ABHD18: variants seen among roughly 807,000 people sequenced by gnomAD.
ABHD18 encodes the protein cardiolipin-specific deacylase, mitochondrial.
In ABHD18, 55 loss-of-function variants were observed where a neutral mutation model predicts 65.9. The observed-to-expected ratio is 0.84, with a 90% CI of 0.67 to 1.05. The LOEUF (loss-of-function observed/expected upper bound fraction) is 1.05, where lower values mean the gene tolerates loss of function less well. ABHD18 is among the 50% of genes least tolerant of loss of function. The pLI is 0.00. For synonymous variants in ABHD18, 181 were observed against 180.2 expected, an observed-to-expected ratio of 1.00 and a Z score of -0.04; for missense variants, 533 against 558.5, an observed-to-expected ratio of 0.95 and a Z score of 0.46.
At chr4:127,985,190 C>T (rs1392364128) in intron 3 of ABHD18, among the ~76,000 whole-genome samples, 1 of 151,062 alleles carries the variant, frequency 6.6e-6, no homozygotes, top group Non-Finnish European at 1.5e-5. Context: ...AAAGAAAATG[C>T]TATAAAATTA....
intron 1 of ABHD18, among the ~76,000 whole-genome samples, chr4:127,975,045 G>GT (rs1371578846): frequency 1.4e-5 from 2 of 144,642 alleles, no homozygotes; most frequent in South Asian, 4.5e-4. Context: ...TACTGACAAA[G>GT]TTGTCAAAAG....
chr4:128,015,001 C>G (rs1007165486), intron 7 of ABHD18, among the ~76,000 whole-genome samples: 15 of 151,648 alleles, frequency 9.9e-5, no homozygotes, highest in African/African-American at 3.2e-4. Context: ...CGCTTGAACC[C>G]AGGAGGCAGA....
At chr4:127,976,857 C>T (rs912871221) in intron 1 of ABHD18, among the ~76,000 whole-genome samples, 7 of 152,096 alleles carry the variant, frequency 4.6e-5, no homozygotes, top group Non-Finnish European at 7.4e-5. Context: ...CTGGCTAACA[C>T]GCTGAAACCC....
rs185655497 is a variant in ABHD18, at chr4:127,965,832, C to G, written c.-18+226C>G. Reference sequence around the variant, plus strand: ...CGAGCGCGCGGGCAGTCCCTTCCCCCCGTGAAAGGTAGAGGTGGCTTCCAG... The same window carrying G: ...CGAGCGCGCGGGCAGTCCCTTCCCCGCGTGAAAGGTAGAGGTGGCTTCCAG... On this transcript the variant is annotated intron_variant, in intron 1 of 12. Coordinates refer to ENST00000645843, the MANE Select transcript of ABHD18 (RefSeq NM_001358451.3). 1.4e-3 allele frequency: 212 copies of G among 154,356 alleles called. 1 individual carries two copies. Among genetic ancestry groups the G allele is most frequent in the Admixed American group, 0.013 (200 of 15,602 alleles). The allele number at this position is 154,356 out of a possible 1,614,324, so 9.6% of individuals were successfully genotyped here.
chr4:128,022,193 C>G (rs1193394525), intron 10 of ABHD18, among the ~76,000 whole-genome samples: 2 of 152,068 alleles, frequency 1.3e-5, no homozygotes, highest in Non-Finnish European at 2.9e-5. Flanking sequence ...CAAACCTGCA[C>G]GTTGTGCACA....
At chr4:127,979,643 C>T (rs1406380877) in intron 1 of ABHD18, among the ~76,000 whole-genome samples, 3 of 152,118 alleles carry the variant, frequency 2.0e-5, no homozygotes, top group Admixed American at 1.3e-4. Flanking sequence ...CGGCCGGGCG[C>T]AGTGGCTCAC....
chr4:128,031,135 C>T (rs924309049), intron 12 of ABHD18: 24 of 985,638 alleles, frequency 2.4e-5, no homozygotes, highest in Non-Finnish European at 3.6e-6. Flanking sequence ...TTATATGACT[C>T]CACTATTTTA....
intron 4 of ABHD18, among the ~76,000 whole-genome samples, chr4:127,991,335 T>A (rs1750883962): frequency 6.6e-6 from 1 of 152,200 alleles, no homozygotes; most frequent in African/African-American, 2.4e-5. Flanking sequence ...CAGGTGATTC[T>A]CCTGCTGCAG....
At chr4:127,966,754 G>T (rs1285416539) in intron 1 of ABHD18, among the ~76,000 whole-genome samples, 1 of 140,554 alleles carries the variant, frequency 7.1e-6, no homozygotes, top group African/African-American at 2.6e-5. Flanking sequence ...GCGTGGTGGC[G>T]GGCGCCTATA....
intron 7 of ABHD18, among the ~76,000 whole-genome samples, chr4:128,015,880 G>A (rs1755391323): frequency 6.6e-6 from 1 of 150,938 alleles, no homozygotes; most frequent in Admixed American, 6.6e-5. Context: ...GGTCATTTTA[G>A]TAATAATATA....
At chr4:128,027,586 A>T (rs1757570133) in intron 10 of ABHD18, among the ~76,000 whole-genome samples, 2 of 152,064 alleles carry the variant, frequency 1.3e-5, no homozygotes, top group Admixed American at 1.3e-4. Context: ...TTGTATTTTT[A>T]GTAGAGACAG....
intron 4 of ABHD18, among the ~76,000 whole-genome samples, chr4:128,002,018 T>C (rs1752727573): frequency 6.6e-6 from 1 of 152,142 alleles, no homozygotes; most frequent in Non-Finnish European, 1.5e-5. Flanking sequence ...CTCACGCCTG[T>C]AATCCCAGCA....
At chr4:128,034,554 A>G (rs932163294) in intron 12 of ABHD18, among the ~76,000 whole-genome samples, 1 of 152,156 alleles carries the variant, frequency 6.6e-6, no homozygotes, top group Non-Finnish European at 1.5e-5. Flanking sequence ...ACTGCACTCA[A>G]GCCTAGGCAA....
In ABHD18 at chr4:128,038,660, G is replaced by C. The variant is rs1226809126; in HGVS notation, c.*2847G>C. On this transcript the variant is annotated 3_prime_UTR_variant, in exon 13 of 13. Transcript: ENST00000645843. ...AATCCCAGCACTTTGGGAGGCCGAG[G>C]TGGGGGGACCACCTGAGGTTGGGAG... 6.6e-6 allele frequency: 1 copy of C among 151,900 alleles called. No homozygotes were observed. The highest frequency in any genetic ancestry group is 1.5e-5 in the Non-Finnish European group (1 of 68,058). The allele number at this position is 151,900 out of a possible 1,614,324, so 9.4% of individuals were successfully genotyped here.
chr4:128,008,963 C>G lies in ABHD18; in HGVS notation c.322C>G (p.Pro108Ala). 6.2e-7 allele frequency: 1 copy of G among 1,611,140 alleles called. No homozygotes were observed. Among genetic ancestry groups the G allele is most frequent in the Non-Finnish European group, 8.5e-7 (1 of 1,178,978 alleles). Residue 108 changes from proline (P) to alanine (A), a missense_variant, in exon 5 of 13, where the codon CCT becomes GCT. Physicochemically the swap from Pro to Ala is conservative, Grantham distance 27. Around this residue, in one of 3 missense-constraint regions of ABHD18, gnomAD observed 309 missense variants for 313.5 expected, o/e 0.99. Coordinates refer to ENST00000645843, the MANE Select transcript of ABHD18 (RefSeq NM_001358451.3). ...TAAAGAATGGAACAGCAAATATAGA[C>G]CTGTATGCATTCATCTTGCTGGAAC... ...VPKEWNSKYR[P>A]VCIHLAGTGD...
rs548990857 is a variant in ABHD18 at position 127,987,149 on chromosome 4, C to T, written c.178-2572C>T. 1.3e-4 allele frequency among the ~76,000 whole-genome samples: 20 copies of T among 152,036 alleles called. No individual in the cohort carries two copies. In the South Asian group the frequency reaches 2.9e-3, roughly 22 times the overall value. Reference sequence around the variant, plus strand: ...AGTGGATCATTTGAGGTCAGGAGTTCGAGACCAGCCTGGCCAACATGGTGA... The same window carrying T: ...AGTGGATCATTTGAGGTCAGGAGTTTGAGACCAGCCTGGCCAACATGGTGA... On this transcript the variant is annotated intron_variant, in intron 3 of 12. Coordinates refer to ENST00000645843, the MANE Select transcript of ABHD18 (RefSeq NM_001358451.3).
chr4:128,006,225 A>G (rs1351962657), intron 4 of ABHD18, among the ~76,000 whole-genome samples: 1 of 152,218 alleles, frequency 6.6e-6, no homozygotes, highest in African/African-American at 2.4e-5. Context: ...CTATTATCCA[A>G]TAATGAAGTC....
At chr4:127,974,187 T>TG in intron 1 of ABHD18, among the ~76,000 whole-genome samples, 1 of 133,626 alleles carries the variant, frequency 7.5e-6, no homozygotes, top group African/African-American at 2.8e-5. Context: ...CCTTAAGTTC[T>TG]GTTTTTTTTT....
chr4:128,035,743 C>T lies in ABHD18; in HGVS notation c.1344-19C>T. ...TTTTTGTTAGTTACTTAGAGTTTTTCTTTCATATTTAATTTTAGACAAGCC... is the reference window on the plus strand; with the variant it reads ...TTTTTGTTAGTTACTTAGAGTTTTTTTTTCATATTTAATTTTAGACAAGCC... On this transcript the variant is annotated intron_variant, in intron 12 of 12. Transcript: ENST00000645843. The T allele has an allele frequency of 6.8e-7, 1 of 1,467,972 alleles. No homozygotes were observed. The highest frequency in any genetic ancestry group is 9.2e-7 in the Non-Finnish European group (1 of 1,083,438). 90.9% of individuals were successfully genotyped at this position (1,467,972 alleles called of 1,614,324 possible).
Sources: allele counts gnomAD v4.1 joint callset (sites outside exome capture counted in the v4.1 genomes callset), GRCh38; gene constraint gnomAD v4.1.1; regional missense constraint gnomAD v4.1.1; transcripts MANE v1.5; gene names NCBI Gene and HGNC (gene_info 2026-07-23, HGNC 2026-07-21).